KMT5A: variants seen among roughly 807,000 people sequenced by gnomAD.
KMT5A encodes lysine methyltransferase 5A.
Under a neutral mutation model 40.6 loss-of-function variants are expected in KMT5A, and 6 were observed. The ratio of observed to expected loss-of-function variants is 0.15; its 90% CI spans 0.08 to 0.29. KMT5A has a LOEUF of 0.29. KMT5A is among the 10% of genes least tolerant of loss of function. The pLI, the probability that KMT5A is intolerant of heterozygous loss-of-function variation, is 1.00. For missense variants in KMT5A, 308 were observed against 459.1 expected (o/e 0.67, Z 3.01); for synonymous variants, 153 against 178.8 (o/e 0.86, Z 1.15).
chr12:123,390,519 T>G (rs943966957), intron 2 of KMT5A, 111 bp from the exon 3 acceptor site: 1 of 1,382,582 alleles, frequency 7.2e-7, no homozygotes, highest in Non-Finnish European at 9.8e-7. Context: ...GGTAGCCCAG[T>G]TTTTGAAAAA....
chr12:123,393,213 G>A (rs1479055391), intron 3 of KMT5A, among the ~76,000 whole-genome samples: 1 of 152,108 alleles, frequency 6.6e-6, no homozygotes, highest in Admixed American at 6.6e-5. Flanking sequence ...TGTTTATCTA[G>A]ATATAGTTAA....
At chr12:123,397,728 G>A (rs930362070) in intron 5 of KMT5A, among the ~76,000 whole-genome samples, 16 of 146,864 alleles carry the variant, frequency 1.1e-4, no homozygotes, top group African/African-American at 3.5e-4. Flanking sequence ...GTGCAATGGC[G>A]TGATCTCGAC....
At chr12:123,400,985 G>T (rs1417072192) in intron 5 of KMT5A, among the ~76,000 whole-genome samples, 3 of 151,480 alleles carry the variant, frequency 2.0e-5, no homozygotes, top group Non-Finnish European at 4.4e-5. Context: ...AGTAGAGACA[G>T]GGTTTCGTCA....
intron 2 of KMT5A, chr12:123,389,924 G>A (rs1402638878): frequency 2.5e-6 from 1 of 395,494 alleles, no homozygotes; most frequent in Non-Finnish European, 5.0e-6. Flanking sequence ...TCCTCCGTCT[G>A]TACTTACTCA....
chr12:123,408,718 C>T lies in KMT5A; in HGVS notation c.*1015C>T, dbSNP rs551649165. ...CCTCATCCTGCTGGGGTTGAAAGTT[C>T]CAGACCTGCTGTCGAGGCCTTGTGT... On this transcript the variant is annotated 3_prime_UTR_variant, in exon 8 of 8. Transcript: ENST00000402868. The T allele has an allele frequency of 6.6e-6, 1 of 152,380 alleles. No individual in the cohort carries two copies. Among genetic ancestry groups the T allele is most frequent in the Non-Finnish European group, 1.5e-5 (1 of 67,974 alleles). 9.4% of individuals were successfully genotyped at this position (152,380 alleles called of 1,614,324 possible).
At position 123,404,869 on chromosome 12, in the gene KMT5A, CTT is replaced by C. The variant is rs752728256; in HGVS notation, c.658-14_658-13del. 8.7e-6 allele frequency: 14 copies of C among 1,607,686 alleles called. No individual in the cohort carries two copies. The highest frequency in any genetic ancestry group is 1.2e-5 in the Non-Finnish European group (14 of 1,177,314). On this transcript the variant is annotated splice_polypyrimidine_tract_variant and intron_variant, in intron 6 of 7. Transcript: ENST00000402868. ...TTGCTATTATGAACCAACACCCTCTCTTATCACCTGACAGATTGACCTCATCG... is the reference window on the plus strand; with the variant it reads ...TTGCTATTATGAACCAACACCCTCTCATCACCTGACAGATTGACCTCATCG...
intron 3 of KMT5A, 67 bp downstream of exon 3, chr12:123,390,853 AAGAAT>A: frequency 7.8e-6 from 12 of 1,538,948 alleles, no homozygotes; most frequent in Non-Finnish European, 1.1e-5. Flanking sequence ...TGTCCTCTGC[AAGAAT>A]GCACATATGT....
chr12:123,385,843 C>A (rs1566070435), intron 1 of KMT5A, among the ~76,000 whole-genome samples: 1 of 152,144 alleles, frequency 6.6e-6, no homozygotes, highest in Non-Finnish European at 1.5e-5. Context: ...CAGAGCAAGA[C>A]TCCATCTCAA....
chr12:123,407,447 A>C (rs1376542441), intron 7 of KMT5A, 46 bp from the exon 8 acceptor site: 1 of 1,583,436 alleles, frequency 6.3e-7, no homozygotes, highest in South Asian at 1.1e-5. Context: ...CAGGTTGAAA[A>C]GCCTCTTTAT....
chr12:123,388,862 G>GCGCC (rs945678812), intron 1 of KMT5A: 8 of 148,428 alleles, frequency 5.4e-5, no homozygotes, highest in African/African-American at 7.4e-5. Context: ...GGGATTCGCC[G>GCGCC]CGCCCGCCCG....
chr12:123,396,339 A>C lies in KMT5A; in HGVS notation c.510-6A>C, dbSNP rs563939285. On this transcript the variant is annotated splice_region_variant and splice_polypyrimidine_tract_variant and intron_variant, in intron 4 of 7. Coordinates refer to ENST00000402868, the MANE Select transcript of KMT5A (RefSeq NM_020382.7). The stretch of plus-strand genomic sequence containing the variant: ...ATTTATTTTCTCCTCTTCCCCTCTT[A>C]CCCAGAGCTCAAGGAAAAACGCAAC... 11 of 1,612,220 alleles carry C rather than the reference A, an allele frequency of 6.8e-6. No homozygotes were observed. The highest frequency in any genetic ancestry group is 3.3e-5 in the Admixed American group (2 of 59,982).
At chr12:123,389,401 C>T (rs1227453897) in intron 1 of KMT5A, 32 bp from the exon 2 acceptor site, 5 of 1,040,726 alleles carry the variant, frequency 4.8e-6, no homozygotes, top group Non-Finnish European at 5.8e-6. Flanking sequence ...TGAGCGCCCC[C>T]TCCCCCGCTT....
At chr12:123,393,458 C>T (rs1484166318) in intron 3 of KMT5A, among the ~76,000 whole-genome samples, 1 of 152,212 alleles carries the variant, frequency 6.6e-6, no homozygotes. Flanking sequence ...TCACAAAATA[C>T]ATAGCCTTTT....
intron 5 of KMT5A, among the ~76,000 whole-genome samples, chr12:123,400,560 C>T (rs1419109206): frequency 6.6e-6 from 1 of 151,618 alleles, no homozygotes; most frequent in Non-Finnish European, 1.5e-5. Context: ...AGAGTTTCAC[C>T]ATGTTGGTCA....
chr12:123,400,509 T>C (rs757999030), intron 5 of KMT5A, among the ~76,000 whole-genome samples: 3 of 151,708 alleles, frequency 2.0e-5, no homozygotes, highest in Non-Finnish European at 4.4e-5. Context: ...TATAGGCGCT[T>C]GCCACCACGC....
chr12:123,401,134 A>G (rs551926202), intron 5 of KMT5A, among the ~76,000 whole-genome samples: 12 of 128,228 alleles, frequency 9.4e-5, no homozygotes, highest in African/African-American at 3.5e-4. Flanking sequence ...TTCCACCAAT[A>G]TATATCTTTC....
At position 123,384,453 on chromosome 12, in the gene KMT5A, C is replaced by T. The variant is rs2139148064; in HGVS notation, c.10+245C>T. The stretch of plus-strand genomic sequence containing the variant: ...TGTTTCCCTTCTATGAAGTGAACAC[C>T]TGCGGGCCTGCCTCTCCACGGCAGC... On this transcript the variant is annotated intron_variant, in intron 1 of 7. Transcript: ENST00000402868. The surrounding 1 kb of genome is among the most constrained non-coding windows in gnomAD (Gnocchi z 5.7). Among the ~76,000 whole-genome samples, 1 of 152,360 alleles carries T rather than the reference C, an allele frequency of 6.6e-6. No individual in the cohort carries two copies. The highest frequency in any genetic ancestry group is 3.4e-3 in the Middle Eastern group (1 of 294).
chr12:123,403,536 G>C (rs750846735), intron 5 of KMT5A, 37 bp from the exon 6 acceptor site: 2 of 1,611,894 alleles, frequency 1.2e-6, no homozygotes, highest in Non-Finnish European at 8.5e-7. Flanking sequence ...GGGCCTAGGA[G>C]AAGATACTGA....
Position 123,384,347 on chromosome 12 carries a change from G to C in KMT5A, c.10+139G>C. Reference sequence around the variant, plus strand: ...AAGCTTGGGGACCCGCGTGGGGGGAGAGGGGGTGCTGCTGCGGAACCCGCC... The same window carrying C: ...AAGCTTGGGGACCCGCGTGGGGGGACAGGGGGTGCTGCTGCGGAACCCGCC... On this transcript the variant is annotated intron_variant, in intron 1 of 7. Coordinates refer to ENST00000402868, the MANE Select transcript of KMT5A (RefSeq NM_020382.7). This position sits in a 1 kb window ranked among gnomAD's most constrained non-coding sequence, Gnocchi z 5.7. 3.3e-6 allele frequency: 4 copies of C among 1,210,462 alleles called. No individual in the cohort carries two copies. Among genetic ancestry groups the C allele is most frequent in the Non-Finnish European group, 4.6e-6 (4 of 863,298 alleles). The allele number at this position is 1,210,462 out of a possible 1,614,324, so 75.0% of individuals were successfully genotyped here. A position where few individuals can be genotyped will look rare whatever the true frequency, so the allele number is the denominator to read the frequency against.
Sources: allele counts gnomAD v4.1 joint callset (sites outside exome capture counted in the v4.1 genomes callset), GRCh38; gene constraint gnomAD v4.1.1; non-coding constraint Gnocchi (gnomAD v3.1); transcripts MANE v1.5; gene names NCBI Gene and HGNC (gene_info 2026-07-23, HGNC 2026-07-21).